Variants in HSPA4 observed in about 807,000 individuals in gnomAD.
HSPA4 encodes the protein heat shock 70 kDa protein 4.
Under a neutral mutation model 106.2 loss-of-function variants are expected in HSPA4, and 25 were observed. That is an observed-to-expected ratio of 0.24 (90% CI 0.17 to 0.33). HSPA4 has a LOEUF of 0.33. Among genes scored for constraint, HSPA4 ranks in the 10% least tolerant of loss-of-function variants. The pLI is 1.00. For missense variants in HSPA4, 841 were observed against 996.0 expected (o/e 0.84, Z 2.10); for synonymous variants, 332 against 333.6 (o/e 1.00, Z 0.05).
intron 2 of HSPA4, among the ~76,000 whole-genome samples, chr5:133,065,344 G>T (rs1024829911): frequency 2.0e-5 from 3 of 152,178 alleles, no homozygotes; most frequent in Non-Finnish European, 4.4e-5. Context: ...ATTGTATTAG[G>T]TGTTATAAGT....
chr5:133,077,594 A>T (rs1475263003), intron 7 of HSPA4, among the ~76,000 whole-genome samples: 1 of 152,116 alleles, frequency 6.6e-6, no homozygotes, highest in South Asian at 2.1e-4. Context: ...CTCTTTTTGT[A>T]TAGTGCTGCA....
At chr5:133,081,802 C>T (rs1220696452) in intron 7 of HSPA4, among the ~76,000 whole-genome samples, 1 of 152,100 alleles carries the variant, frequency 6.6e-6, no homozygotes, top group Non-Finnish European at 1.5e-5. Context: ...GAGATGGAGG[C>T]TTCTGTGAAC....
At chr5:133,104,198 T>G in intron 18 of HSPA4, 35 bp from the exon 19 acceptor site, 1 of 1,597,184 alleles carries the variant, frequency 6.3e-7, no homozygotes, top group Non-Finnish European at 8.6e-7. Context: ...TTGTTAATTT[T>G]ATAAGAAACC....
rs1476049377 is a variant in HSPA4, at chr5:133,076,904, T to C, written c.908+6T>C. The stretch of plus-strand genomic sequence containing the variant: ...GTATCTGGAACTATGAATAGGTAAG[T>C]ATATTACTATTTCGATGTTAAAGTG... On this transcript the variant is annotated splice_donor_region_variant and intron_variant, in intron 7 of 18. Transcript: ENST00000304858. 1 of 1,593,452 alleles carries C rather than the reference T, an allele frequency of 6.3e-7. No homozygotes were observed. The highest frequency in any genetic ancestry group is 8.6e-7 in the Non-Finnish European group (1 of 1,163,458).
intron 1 of HSPA4, among the ~76,000 whole-genome samples, chr5:133,061,666 C>CTGGA: frequency 6.6e-6 from 1 of 152,284 alleles, no homozygotes; most frequent in Middle Eastern, 3.4e-3. Flanking sequence ...CTTGCCCAGG[C>CTGGA]TGGAGTGCAG....
intron 1 of HSPA4, among the ~76,000 whole-genome samples, chr5:133,057,580 G>A (rs1347563249): frequency 6.6e-6 from 1 of 152,176 alleles, no homozygotes; most frequent in African/African-American, 2.4e-5. Flanking sequence ...GCCAATTGCA[G>A]CTGTTCATAA....
rs188555028 is a variant in HSPA4, at chr5:133,058,640, T to G, written c.107+6283T>G. 1.9e-3 allele frequency among the ~76,000 whole-genome samples: 289 copies of G among 151,872 alleles called. 1 individual carries two copies. Among genetic ancestry groups the G allele is most frequent in the Non-Finnish European group, 3.3e-3 (224 of 67,950 alleles). ...TTGCAGTGAGCTGAGGTCATGCCAT[T>G]GCACTCCAGCCTGGCCATCAGGAGT... On this transcript the variant is annotated intron_variant, in intron 1 of 18. Transcript: ENST00000304858.
intron 1 of HSPA4, among the ~76,000 whole-genome samples, chr5:133,060,617 C>T (rs1208528401): frequency 6.6e-6 from 1 of 152,148 alleles, no homozygotes; most frequent in Non-Finnish European, 1.5e-5. Flanking sequence ...CCACCTCGGC[C>T]TCTCAAAGTG....
At chr5:133,071,980 C>G (rs1443415803) in intron 4 of HSPA4, among the ~76,000 whole-genome samples, 1 of 152,106 alleles carries the variant, frequency 6.6e-6, no homozygotes, top group Non-Finnish European at 1.5e-5. Flanking sequence ...AGATTTGTTT[C>G]CATTCCTCCA....
At chr5:133,083,134 C>CA (rs762717169) in intron 7 of HSPA4, among the ~76,000 whole-genome samples, 1 of 86,734 alleles carries the variant, frequency 1.2e-5, no homozygotes, top group African/African-American at 4.9e-5. Context: ...GACTCCATCT[C>CA]AAAAAAATAC....
At chr5:133,072,217 A>G (rs1013167018) in intron 4 of HSPA4, among the ~76,000 whole-genome samples, 3 of 152,022 alleles carry the variant, frequency 2.0e-5, no homozygotes, top group Non-Finnish European at 4.4e-5. Context: ...GATTTATTGT[A>G]GTGAAGGGAT....
intron 6 of HSPA4, among the ~76,000 whole-genome samples, chr5:133,074,497 C>T (rs1273217331): frequency 1.3e-5 from 2 of 152,098 alleles, no homozygotes; most frequent in African/African-American, 2.4e-5. Context: ...AGGCTGGTCT[C>T]GAACTCCCGA....
chr5:133,100,126 C>T (rs1765765891), intron 16 of HSPA4, among the ~76,000 whole-genome samples: 1 of 146,176 alleles, frequency 6.8e-6, no homozygotes, highest in Non-Finnish European at 1.5e-5. Context: ...TGCAGTGGCG[C>T]AGTCTCGGCT....
intron 7 of HSPA4, among the ~76,000 whole-genome samples, chr5:133,086,267 CTCT>C (rs139351724): frequency 0.13 from 19,639 of 152,104 alleles, 3,594 homozygotes; most frequent in African/African-American, 0.4. Flanking sequence ...TCCTTCCCAT[CTCT>C]TCTTCTTCCC....
chr5:133,064,940 T>C (rs1449270840), intron 1 of HSPA4, 40 bp from the exon 2 acceptor site: 4 of 1,529,812 alleles, frequency 2.6e-6, no homozygotes, highest in Non-Finnish European at 2.7e-6. Context: ...TTTATTATTG[T>C]AGTAAGATTT....
rs114839090 is a variant in HSPA4, at chr5:133,057,515, C to T, written c.107+5158C>T. 4.0e-3 allele frequency among the ~76,000 whole-genome samples: 611 copies of T among 152,198 alleles called. 3 individuals are homozygous for T. The highest frequency in any genetic ancestry group is 0.014 in the African/African-American group (569 of 41,522). On this transcript the variant is annotated intron_variant, in intron 1 of 18. Transcript: ENST00000304858. ...CTGGGACTACAGGTGCATGCCACCGCGCCTAGCTATGCATACACTTATAAA... is the reference window on the plus strand; with the variant it reads ...CTGGGACTACAGGTGCATGCCACCGTGCCTAGCTATGCATACACTTATAAA...
At chr5:133,090,430 CAAAAAAAAAAAAAA>C (rs56263518) in intron 11 of HSPA4, among the ~76,000 whole-genome samples, 2 of 54,894 alleles carry the variant, frequency 3.6e-5, no homozygotes, top group African/African-American at 1.5e-4. Flanking sequence ...GACTCTGTCT[CAAAAAAAAAAAAAA>C]AAAAAAAAAA....
intron 4 of HSPA4, among the ~76,000 whole-genome samples, chr5:133,072,731 TG>T: frequency 6.6e-6 from 1 of 152,036 alleles, no homozygotes; most frequent in Admixed American, 6.6e-5. Flanking sequence ...ATCAGGGGTC[TG>T]TCACATTGGT....
At chr5:133,071,905 G>T (rs1428830793) in intron 4 of HSPA4, among the ~76,000 whole-genome samples, 2 of 152,146 alleles carry the variant, frequency 1.3e-5, no homozygotes, top group African/African-American at 4.8e-5. Flanking sequence ...CCCAGTGGCT[G>T]ATACACCAGA....
Sources: allele counts gnomAD v4.1 joint callset (sites outside exome capture counted in the v4.1 genomes callset), GRCh38; gene constraint gnomAD v4.1.1; transcripts MANE v1.5; gene names NCBI Gene and HGNC (gene_info 2026-07-23, HGNC 2026-07-21).